Variants in HCST observed in about 807,000 individuals in gnomAD.
The protein encoded by HCST is hematopoietic cell signal transducer, also known as DNAX-activation protein 10.
Under a neutral mutation model 10.8 loss-of-function variants are expected in HCST, and 12 were observed. The ratio of observed to expected loss-of-function variants is 1.12; its 90% CI spans 0.72 to 1.81. The LOEUF is 1.81. Among genes scored for constraint, HCST ranks in the 40% most tolerant of loss-of-function variants. HCST has a pLI of 0.00. For synonymous variants in HCST, 59 were observed against 51.6 expected, an observed-to-expected ratio of 1.14 and a Z score of -0.61; for missense variants, 102 against 117.9, an observed-to-expected ratio of 0.87 and a Z score of 0.62.
At chr19:35,903,709 C>T (rs1047394127) in intron 2 of HCST, 63 bp from the exon 3 acceptor site, 1 of 1,612,594 alleles carries the variant, frequency 6.2e-7, no homozygotes, top group East Asian at 2.2e-5. Context: ...CTGCCTGTGG[C>T]CAAAGCACAG....
chr19:35,903,836 G>C lies in HCST; in HGVS notation c.174G>C (p.Ala58=), dbSNP rs1156976717. ...PLLAGLVAAD[A]VASLLIVGAV... ...TGGCAGGCCTCGTGGCTGCTGATGC[G>C]GTGGCATCGCTGCTCATCGTGGGGG... Residue 58 remains alanine, a synonymous_variant, in exon 3 of 4, where the codon GCG becomes GCC. Coordinates refer to ENST00000246551, the MANE Select transcript of HCST (RefSeq NM_014266.4). The C allele has an allele frequency of 6.2e-7, 1 of 1,613,636 alleles. No individual in the cohort carries two copies. Among genetic ancestry groups the C allele is most frequent in the African/African-American group, 1.3e-5 (1 of 74,950 alleles).
In HCST at chr19:35,904,268, C is replaced by A; in HGVS notation, c.*108C>A. 8.7e-7 allele frequency: 1 copy of A among 1,146,090 alleles called. No individual in the cohort carries two copies. The highest frequency in any genetic ancestry group is 1.3e-6 in the Non-Finnish European group (1 of 765,306). The allele number at this position is 1,146,090 out of a possible 1,614,324, so 71.0% of individuals were successfully genotyped here. A position where few individuals can be genotyped will look rare whatever the true frequency, so the allele number is the denominator to read the frequency against. ...TTGGATTGTAATAAAACAATTGAAA[C>A]ACCTGTAGTCGTATTCTTTCTCAAA... is the stretch of plus-strand genomic sequence containing the variant. On this transcript the variant is annotated 3_prime_UTR_variant, in exon 4 of 4. Coordinates refer to ENST00000246551, the MANE Select transcript of HCST (RefSeq NM_014266.4).
rs888390910 is a variant in HCST at position 35,903,914 on chromosome 19, A to G, written c.241+11A>G. ...GCAGCCCCGCCCAAGGTGAGGGCGG[A>G]GATGGGCGGGGCCTGGAAGGTGTAT... On this transcript the variant is annotated intron_variant, in intron 3 of 3. Transcript: ENST00000246551. The G allele has an allele frequency of 1.1e-5, 18 of 1,608,660 alleles. No individual in the cohort carries two copies. Among genetic ancestry groups the G allele is most frequent in the Non-Finnish European group, 1.5e-5 (18 of 1,178,330 alleles).
intron 1 of HCST, chr19:35,903,064 C>T (rs934251957): frequency 6.6e-6 from 3 of 457,500 alleles, no homozygotes; most frequent in African/African-American, 2.0e-5. Context: ...AATCACGGCT[C>T]ACGGCAGCCT....
rs1241497097 is a variant in HCST at position 35,902,628 on chromosome 19, T to C, written c.35T>C (p.Leu12Ser). 5.0e-6 allele frequency: 8 copies of C among 1,614,064 alleles called. No individual in the cohort carries two copies. The highest frequency in any genetic ancestry group is 1.1e-5 in the South Asian group (1 of 91,086). ...IHLGHILFLL[L>S]LPVAAAQTTP... Reference sequence around the variant, plus strand: ...CTGGGTCACATCCTCTTCCTGCTTTTGCTCCCAGGTGAAGCCAGTGGTTAC... The same window carrying C: ...CTGGGTCACATCCTCTTCCTGCTTTCGCTCCCAGGTGAAGCCAGTGGTTAC... The change falls in exon 1 of 4, where the codon TTG becomes TCG. Residue 12 changes from leucine (L) to serine (S), a missense_variant. Coordinates refer to ENST00000246551, the MANE Select transcript of HCST (RefSeq NM_014266.4).
In HCST at chr19:35,904,260, A is replaced by C. The variant is rs1484560106; in HGVS notation, c.*100A>C. The C allele has an allele frequency of 4.2e-6, 5 of 1,203,418 alleles. No homozygotes were observed. The highest frequency in any genetic ancestry group is 6.1e-6 in the Non-Finnish European group (5 of 814,282). 74.5% of individuals were successfully genotyped at this position (1,203,418 alleles called of 1,614,324 possible). On this transcript the variant is annotated 3_prime_UTR_variant, in exon 4 of 4. Coordinates refer to ENST00000246551, the MANE Select transcript of HCST (RefSeq NM_014266.4). ...CCCAACTTTTGGATTGTAATAAAAC[A>C]ATTGAAACACCTGTAGTCGTATTCT...
intron 1 of HCST, chr19:35,902,881 C>A (rs1352224099): frequency 1.9e-6 from 1 of 537,294 alleles, no homozygotes; most frequent in Non-Finnish European, 3.3e-6. Flanking sequence ...CTTCCAATTT[C>A]TTGTCACTCT....
rs948982328 is a variant in HCST at position 35,903,863 on chromosome 19, G to C, written c.201G>C (p.Ala67=). Residue 67 remains alanine, a synonymous_variant, in exon 3 of 4, where the codon GCG becomes GCC. Coordinates refer to ENST00000246551, the MANE Select transcript of HCST (RefSeq NM_014266.4). ...DAVASLLIVG[A]VFLCARPRRS... is the part of the protein sequence containing the mutation. Reference sequence around the variant, plus strand: ...TGGCATCGCTGCTCATCGTGGGGGCGGTGTTCCTGTGCGCACGCCCACGCC... The same window carrying C: ...TGGCATCGCTGCTCATCGTGGGGGCCGTGTTCCTGTGCGCACGCCCACGCC... The C allele has an allele frequency of 6.2e-7, 1 of 1,613,172 alleles. No individual in the cohort carries two copies. The highest frequency in any genetic ancestry group is 1.3e-5 in the African/African-American group (1 of 75,044).
At chr19:35,903,635 G>T in intron 2 of HCST, 137 bp from the exon 3 acceptor site, 2 of 1,295,390 alleles carry the variant, frequency 1.5e-6, no homozygotes, top group Non-Finnish European at 2.2e-6. Flanking sequence ...TCTGTCTCCC[G>T]TTTCATTCCC....
chr19:35,903,754 C>T lies in HCST; in HGVS notation c.110-18C>T. 6.2e-7 allele frequency: 1 copy of T among 1,614,034 alleles called. No individual in the cohort carries two copies. The highest frequency in any genetic ancestry group is 8.5e-7 in the Non-Finnish European group (1 of 1,180,016). On this transcript the variant is annotated intron_variant, in intron 2 of 3. Transcript: ENST00000246551. ...GCAGAGCTTGAGTTGTCTCCCTGTT[C>T]CGGCCCCCACTCTCCAGGCTCTTGT... is the stretch of plus-strand genomic sequence containing the variant.
chr19:35,904,233 G>GC lies in HCST; in HGVS notation c.*77dup. ...GGTGTGTGGTGGCACAGGAACCCCC[G>GC]CCCCAACTTTTGGATTGTAATAAAA... On this transcript the variant is annotated 3_prime_UTR_variant, in exon 4 of 4. Coordinates refer to ENST00000246551, the MANE Select transcript of HCST (RefSeq NM_014266.4). 6.8e-7 allele frequency: 1 copy of GC among 1,465,646 alleles called. No individual in the cohort carries two copies. The highest frequency in any genetic ancestry group is 1.8e-4 in the Middle Eastern group (1 of 5,708). 90.8% of individuals were successfully genotyped at this position (1,465,646 alleles called of 1,614,324 possible).
chr19:35,903,506 C>T, intron 2 of HCST, 90 bp downstream of exon 2: 1 of 1,226,896 alleles, frequency 8.2e-7, no homozygotes, highest in Non-Finnish European at 1.2e-6. Flanking sequence ...GTCCCCAAAT[C>T]AGAGGATCCG....
chr19:35,904,097 T>C, intron 3 of HCST, 23 bp from the exon 4 acceptor site: 1 of 1,613,028 alleles, frequency 6.2e-7, no homozygotes, highest in Non-Finnish European at 8.5e-7. Flanking sequence ...TCAAGCTTCA[T>C]GCTTTCTCTC....
chr19:35,902,570 AC>A lies in HCST; in HGVS notation c.-20del. 6.2e-7 allele frequency: 1 copy of A among 1,610,384 alleles called. No homozygotes were observed. Among genetic ancestry groups the A allele is most frequent in the Non-Finnish European group, 8.5e-7 (1 of 1,178,814 alleles). On this transcript the variant is annotated 5_prime_UTR_variant, in exon 1 of 4. Transcript: ENST00000246551. Reference sequence around the variant, plus strand: ...TCTCTGGACCACAGTCCTCTGCCAGACCCCTGCCAGACCCCAGTCCACCATG... The same window carrying A: ...TCTCTGGACCACAGTCCTCTGCCAGACCCTGCCAGACCCCAGTCCACCATG...
At chr19:35,904,011 T>A in intron 3 of HCST, 108 bp downstream of exon 3, 2 of 1,586,956 alleles carry the variant, frequency 1.3e-6, no homozygotes, top group Non-Finnish European at 1.7e-6. Flanking sequence ...GGGGAAACCC[T>A]GGGGGAGGTG....
intron 1 of HCST, 102 bp downstream of exon 1, chr19:35,902,738 T>A: frequency 8.5e-7 from 1 of 1,182,086 alleles, no homozygotes; most frequent in Non-Finnish European, 1.2e-6. Flanking sequence ...TTCTTCTCCC[T>A]GCACCCCTTC....
At position 35,904,178 on chromosome 19, in the gene HCST, C is replaced by T. The variant is rs909001759; in HGVS notation, c.*18C>T. The T allele has an allele frequency of 5.0e-6, 8 of 1,613,554 alleles. No homozygotes were observed. The highest frequency in any genetic ancestry group is 6.8e-6 in the Non-Finnish European group (8 of 1,179,560). On this transcript the variant is annotated 3_prime_UTR_variant, in exon 4 of 4. Coordinates refer to ENST00000246551, the MANE Select transcript of HCST (RefSeq NM_014266.4). The stretch of plus-strand genomic sequence containing the variant: ...GGGGCTGACCCTCCTGCAGCTTGGA[C>T]CTTTGACTTCTGACCCTCTCATCCT...
Position 35,902,643 on chromosome 19 carries a change from C to T in HCST, c.43+7C>T. ...TTCCTGCTTTTGCTCCCAGGTGAAG[C>T]CAGTGGTTACAGGGGATGGTAGGCA... is the stretch of plus-strand genomic sequence containing the variant. On this transcript the variant is annotated splice_region_variant and intron_variant, in intron 1 of 3. Coordinates refer to ENST00000246551, the MANE Select transcript of HCST (RefSeq NM_014266.4). The T allele has an allele frequency of 6.2e-7, 1 of 1,613,968 alleles. No individual in the cohort carries two copies. The highest frequency in any genetic ancestry group is 8.5e-7 in the Non-Finnish European group (1 of 1,179,876).
At chr19:35,903,644 C>T in intron 2 of HCST, 128 bp from the exon 3 acceptor site, 1 of 1,380,546 alleles carries the variant, frequency 7.2e-7, no homozygotes, top group South Asian at 1.2e-5. Context: ...CGTTTCATTC[C>T]CCAAGCGCAA....
Sources: gnomAD v4.1 joint callset for allele counts on GRCh38, gnomAD v4.1.1 for gene constraint, MANE v1.5 for transcripts, NCBI Gene and HGNC (gene_info 2026-07-23, HGNC 2026-07-21) for gene names.